The following TERF2 variants were observed in gnomAD, a reference collection of about 807,000 sequenced individuals.
The protein encoded by TERF2 is telomeric repeat-binding factor 2.
In TERF2, 16 loss-of-function variants were observed where a neutral mutation model predicts 56.1. The observed-to-expected ratio is 0.29, with a 90% CI of 0.19 to 0.43. The LOEUF is 0.43. Among genes scored for constraint, TERF2 ranks in the 20% least tolerant of loss-of-function variants. The pLI, the probability that TERF2 is intolerant of heterozygous loss-of-function variation, is 1.00. For synonymous variants in TERF2, 296 were observed against 282.1 expected (o/e 1.05, Z -0.50); for missense variants, 547 against 712.9 (o/e 0.77, Z 2.65).
chr16:69,364,138 T>G (rs2013251790), intron 7 of TERF2, among the ~76,000 whole-genome samples: 1 of 152,208 alleles, frequency 6.6e-6, no homozygotes, highest in African/African-American at 2.4e-5. Flanking sequence ...TTATTTTACT[T>G]GGTGAATAAA....
In TERF2 at chr16:69,385,635, T is replaced by C. The variant is rs2014171859; in HGVS notation, c.337A>G (p.Ser113Gly). Residue 113 changes from serine to glycine, a missense_variant, in exon 1 of 10, where the codon AGC becomes GGC. By Grantham distance (56) the Ser-to-Gly change is moderately conservative. Around this residue, in one of 6 missense-constraint regions of TERF2, gnomAD observed 120 missense variants for 172.4 expected, o/e 0.70. Transcript: ENST00000254942. ...FHEALRAFRG[S>G]RYGDFRQIRD... ...ATCTGTCTGAAGTCCCCGTACCGGC[T>C]ACCCCGAAAGGCCCGCAGCGCCTCG... 2 of 1,586,882 alleles carry C rather than the reference T, an allele frequency of 1.3e-6. No homozygotes were observed. Among genetic ancestry groups the C allele is most frequent in the South Asian group, 2.2e-5 (2 of 90,392 alleles).
At position 69,381,706 on chromosome 16, in the gene TERF2, C is replaced by T. The variant is rs115576098; in HGVS notation, c.606+2874G>A. Among the ~76,000 whole-genome samples the T allele has an allele frequency of 5.0e-3, 756 of 152,134 alleles. 4 individuals are homozygous for T. Among genetic ancestry groups the T allele is most frequent in the African/African-American group, 0.018 (738 of 41,482 alleles). ...ATGTTACCCAGGCTGGTCTGGAACT[C>T]CTAGGCTCAAGCGATCCACTCACGT... On this transcript the variant is annotated intron_variant, in intron 3 of 9. Coordinates refer to ENST00000254942, the MANE Select transcript of TERF2 (RefSeq NM_005652.5).
intron 3 of TERF2, among the ~76,000 whole-genome samples, chr16:69,382,189 T>C (rs1490894171): frequency 6.6e-6 from 1 of 152,236 alleles, no homozygotes; most frequent in Non-Finnish European, 1.5e-5. Flanking sequence ...CCCTAGACCA[T>C]GCACTGAGGG....
At position 69,375,959 on chromosome 16, in the gene TERF2, T is replaced by C. The variant is rs899334289; in HGVS notation, c.607-3604A>G. ...TTGAGAGCTCTTCATATACTCTAGA[T>C]ACCAGTTCTTTGTCAGGTGTGATTT... On this transcript the variant is annotated intron_variant, in intron 3 of 9. Transcript: ENST00000254942. Among the ~76,000 whole-genome samples, 10 of 152,354 alleles carry C rather than the reference T, an allele frequency of 6.6e-5. No individual in the cohort carries two copies. The South Asian group carries it at 2.1e-3, about 32-fold the overall frequency.
intron 3 of TERF2, among the ~76,000 whole-genome samples, chr16:69,376,924 G>C (rs1440103159): frequency 6.6e-6 from 1 of 151,638 alleles, no homozygotes; most frequent in Non-Finnish European, 1.5e-5. Flanking sequence ...CGCTAGGCTG[G>C]GTGCGATGGC....
chr16:69,363,580 G>A (rs1242905270), intron 7 of TERF2, among the ~76,000 whole-genome samples: 1 of 152,196 alleles, frequency 6.6e-6, no homozygotes, highest in Non-Finnish European at 1.5e-5. Flanking sequence ...GGTCTAGCAA[G>A]TGTTGGCAAG....
rs916198218 is a variant in TERF2 at position 69,364,491 on chromosome 16, A to T, written c.1340+2316T>A. Among the ~76,000 whole-genome samples the T allele has an allele frequency of 2.6e-5, 4 of 151,814 alleles. No individual in the cohort carries two copies. In the South Asian group the frequency reaches 8.3e-4, roughly 32 times the overall value. On this transcript the variant is annotated intron_variant, in intron 7 of 9. Coordinates refer to ENST00000254942, the MANE Select transcript of TERF2 (RefSeq NM_005652.5). ...ATTGTGTCATGAAGCCCAGCTTGAG[A>T]GCCTCTGCCTGACACACTAGACTAC...
intron 3 of TERF2, among the ~76,000 whole-genome samples, chr16:69,374,549 G>C (rs936223548): frequency 6.8e-6 from 1 of 146,856 alleles, no homozygotes; most frequent in Admixed American, 7.0e-5. Flanking sequence ...CCGAGCCCAG[G>C]AATTTGAGGG....
At position 69,372,260 on chromosome 16, in the gene TERF2, C is replaced by G; in HGVS notation, c.693+9G>C. 6.3e-7 allele frequency: 1 copy of G among 1,588,694 alleles called. No homozygotes were observed. The highest frequency in any genetic ancestry group is 8.6e-7 in the Non-Finnish European group (1 of 1,169,558). On this transcript the variant is annotated intron_variant, in intron 4 of 9. Transcript: ENST00000254942. ...TTAAGTCACAGGAGCAAAAATGTAT[C>G]AAATTTACCTGAGTTGTGGGGTCCT... is the stretch of plus-strand genomic sequence containing the variant.
chr16:69,356,664 A>G lies in TERF2; in HGVS notation c.*234T>C, dbSNP rs1375967129. 1.3e-5 allele frequency: 5 copies of G among 398,586 alleles called. No homozygotes were observed. Among genetic ancestry groups the G allele is most frequent in the South Asian group, 7.3e-5 (2 of 27,468 alleles). The allele number at this position is 398,586 out of a possible 1,614,324, so 24.7% of individuals were successfully genotyped here. A position where few individuals can be genotyped will look rare whatever the true frequency, so the allele number is the denominator to read the frequency against. Reference sequence around the variant, plus strand: ...AAATACAAAACATTAGCCGGGCGTGATGGCGGGCGCCTGTAGTCCCAGCTA... The same window carrying G: ...AAATACAAAACATTAGCCGGGCGTGGTGGCGGGCGCCTGTAGTCCCAGCTA... On this transcript the variant is annotated 3_prime_UTR_variant, in exon 10 of 10. Coordinates refer to ENST00000254942, the MANE Select transcript of TERF2 (RefSeq NM_005652.5).
At chr16:69,373,513 A>T (rs1028492517) in intron 3 of TERF2, among the ~76,000 whole-genome samples, 2 of 152,230 alleles carry the variant, frequency 1.3e-5, no homozygotes, top group Non-Finnish European at 2.9e-5. Flanking sequence ...AGATTCTTTA[A>T]AAAGACCACC....
intron 3 of TERF2, 33 bp from the exon 4 acceptor site, chr16:69,372,388 T>C (rs755017667): frequency 1.4e-6 from 2 of 1,394,874 alleles, no homozygotes; most frequent in African/African-American, 1.4e-5. Context: ...TTTTTTACTT[T>C]TGTAATGACA....
At chr16:69,366,626 C>T (rs1260202103) in intron 7 of TERF2, 181 bp downstream of exon 7, 3 of 777,916 alleles carry the variant, frequency 3.9e-6, no homozygotes, top group Non-Finnish European at 5.9e-6. Flanking sequence ...ACATGCGGGG[C>T]TTCAGAACCG....
intron 4 of TERF2, 126 bp downstream of exon 4, chr16:69,372,143 G>A: frequency 6.8e-6 from 4 of 585,174 alleles, no homozygotes; most frequent in Non-Finnish European, 1.2e-5. Context: ...ATAACTTGCT[G>A]CAGGTGTTAC....
intron 3 of TERF2, among the ~76,000 whole-genome samples, chr16:69,374,265 G>A (rs985721095): frequency 3.3e-5 from 5 of 151,998 alleles, no homozygotes; most frequent in East Asian, 1.9e-4. Flanking sequence ...TTTAACACAC[G>A]TAGACTCCTG....
At chr16:69,372,836 T>C (rs1008772711) in intron 3 of TERF2, among the ~76,000 whole-genome samples, 4 of 152,014 alleles carry the variant, frequency 2.6e-5, no homozygotes, top group African/African-American at 7.2e-5. Flanking sequence ...GCTTGTAAGG[T>C]AGTCACTTTT....
chr16:69,375,616 T>C (rs528392109), intron 3 of TERF2, among the ~76,000 whole-genome samples: 1 of 151,528 alleles, frequency 6.6e-6, no homozygotes. Context: ...ATAGTTAGGG[T>C]TTTTTTTTAA....
At chr16:69,379,012 GTA>G (rs897408966) in intron 3 of TERF2, among the ~76,000 whole-genome samples, 6 of 152,024 alleles carry the variant, frequency 3.9e-5, no homozygotes, top group African/African-American at 1.5e-4. Flanking sequence ...CCAGAAGTAA[GTA>G]TAGTTTCTTC....
At position 69,357,502 on chromosome 16, in the gene TERF2, G is replaced by C; in HGVS notation, c.1470+16C>G. Reference sequence around the variant, plus strand: ...TACCCACATAACCAGTAACAGAAAAGAGAATTTTAAATTACCTGCTTTTTT... The same window carrying C: ...TACCCACATAACCAGTAACAGAAAACAGAATTTTAAATTACCTGCTTTTTT... On this transcript the variant is annotated intron_variant, in intron 9 of 9. Transcript: ENST00000254942. 6.2e-7 allele frequency: 1 copy of C among 1,609,626 alleles called. No homozygotes were observed. Among genetic ancestry groups the C allele is most frequent in the Non-Finnish European group, 8.5e-7 (1 of 1,176,772 alleles).
Sources: gnomAD v4.1 joint callset for allele counts (sites outside exome capture counted in the v4.1 genomes callset) on GRCh38, gnomAD v4.1.1 for gene constraint, gnomAD v4.1.1 regional missense constraint, MANE v1.5 for transcripts, NCBI Gene and HGNC (gene_info 2026-07-23, HGNC 2026-07-21) for gene names.